NBEAL1: variants seen among roughly 807,000 people sequenced by gnomAD.
NBEAL1 encodes the protein neurobeachin like 1, also known as neurobeachin-like protein 1.
A neutral mutation model predicts 351.3 loss-of-function variants in NBEAL1; 273 were observed. The observed-to-expected ratio is 0.78, with a 90% CI of 0.70 to 0.86. The LOEUF is 0.86. NBEAL1 is among the 40% of genes least tolerant of loss of function. The pLI is 0.00. For synonymous variants in NBEAL1, 1,050 were observed against 1,086.4 expected (o/e 0.97, Z 0.66); for missense variants, 2,961 against 3,201.3 (o/e 0.92, Z 1.81).
Position 203,202,669 on chromosome 2 carries a change from T to G in NBEAL1, c.7412-18T>G, listed in dbSNP as rs780229387. 19 of 1,422,120 alleles carry G rather than the reference T, an allele frequency of 1.3e-5. No homozygotes were observed. The African/African-American group carries it at 2.5e-4, about 19-fold the overall frequency. The allele number at this position is 1,422,120 out of a possible 1,614,324, so 88.1% of individuals were successfully genotyped here. A position where few individuals can be genotyped will look rare whatever the true frequency, so the allele number is the denominator to read the frequency against. Reference sequence around the variant, plus strand: ...GCAAAACGAGGCATCTCATTTTATTTAATTCCTTTTCTTACAGATATTGTG... The same window carrying G: ...GCAAAACGAGGCATCTCATTTTATTGAATTCCTTTTCTTACAGATATTGTG... On this transcript the variant is annotated intron_variant, in intron 50 of 55. Transcript: ENST00000683969.
chr2:203,161,675 AT>A (rs1433284310), intron 36 of NBEAL1, among the ~76,000 whole-genome samples: 8 of 143,162 alleles, frequency 5.6e-5, no homozygotes, highest in African/African-American at 1.4e-4. Flanking sequence ...AAATAAATAA[AT>A]AAATAAAAGC....
At chr2:203,038,827 G>A (rs962686860) in intron 2 of NBEAL1, among the ~76,000 whole-genome samples, 7 of 148,274 alleles carry the variant, frequency 4.7e-5, no homozygotes, top group East Asian at 1.9e-4. Context: ...GCTGGCATGC[G>A]CAACCACACC....
chr2:203,083,338 T>C lies in NBEAL1; in HGVS notation c.804T>C (p.Thr268=). The change falls in exon 9 of 56, where the codon ACT becomes ACC. Residue 268 remains threonine (T), a synonymous_variant. Coordinates refer to ENST00000683969, the MANE Select transcript of NBEAL1 (RefSeq NM_001378026.1). ...AAGTGGGTAGGAAGGCAGAACTAAC[T>C]CTGAAGTGCCTTACAGAAGTGGTAC... ...PEEVGRKAEL[T]LKCLTEVVHI... is the part of the protein sequence containing the mutation. 6.4e-7 allele frequency: 1 copy of C among 1,554,154 alleles called. No individual in the cohort carries two copies. The highest frequency in any genetic ancestry group is 1.2e-5 in the South Asian group (1 of 84,252).
intron 55 of NBEAL1, among the ~76,000 whole-genome samples, chr2:203,216,622 T>A (rs2065899517): frequency 6.6e-6 from 1 of 152,130 alleles, no homozygotes; most frequent in Non-Finnish European, 1.5e-5. Context: ...AGAATAGTTT[T>A]GAGAAGCTTA....
At chr2:203,211,480 A>G (rs1045358989) in intron 54 of NBEAL1, among the ~76,000 whole-genome samples, 6 of 152,052 alleles carry the variant, frequency 3.9e-5, no homozygotes, top group African/African-American at 1.4e-4. Context: ...TCTCTACTAA[A>G]AATAAAAACT....
At chr2:203,200,064 G>A (rs2065351334) in intron 49 of NBEAL1, among the ~76,000 whole-genome samples, 1 of 152,102 alleles carries the variant, frequency 6.6e-6, no homozygotes, top group Non-Finnish European at 1.5e-5. Context: ...CTGTTTGTTT[G>A]CTTATATTTT....
At chr2:203,202,226 A>G (rs1464451062) in intron 50 of NBEAL1, among the ~76,000 whole-genome samples, 1 of 152,210 alleles carries the variant, frequency 6.6e-6, no homozygotes, top group African/African-American at 2.4e-5. Flanking sequence ...CAATCCTAAG[A>G]TAACACTTAC....
At chr2:203,089,041 A>T (rs1188797641) in intron 10 of NBEAL1, among the ~76,000 whole-genome samples, 1 of 152,042 alleles carries the variant, frequency 6.6e-6, no homozygotes, top group Non-Finnish European at 1.5e-5. Flanking sequence ...GGTAAGGAGA[A>T]CAGAAAAGAA....
At chr2:203,216,798 G>T (rs758918238) in intron 55 of NBEAL1, among the ~76,000 whole-genome samples, 22 of 152,042 alleles carry the variant, frequency 1.4e-4, no homozygotes, top group Non-Finnish European at 2.8e-4. Context: ...TTATTATTAT[G>T]TGTGTATATG....
At chr2:203,195,897 T>A (rs2065228445) in intron 47 of NBEAL1, among the ~76,000 whole-genome samples, 1 of 152,218 alleles carries the variant, frequency 6.6e-6, no homozygotes, top group African/African-American at 2.4e-5. Flanking sequence ...GCATAAACCA[T>A]ACTATTTGCA....
chr2:203,184,720 C>G (rs1278715132), intron 44 of NBEAL1, among the ~76,000 whole-genome samples: 1 of 151,008 alleles, frequency 6.6e-6, no homozygotes, highest in Non-Finnish European at 1.5e-5. Flanking sequence ...ATTTGTAAGC[C>G]TTAACCCTAT....
chr2:203,081,673 A>G (rs968785926), intron 8 of NBEAL1, among the ~76,000 whole-genome samples: 15 of 152,204 alleles, frequency 9.9e-5, no homozygotes, highest in African/African-American at 1.4e-4. Flanking sequence ...TTGAATGTCA[A>G]TCTGTCATGC....
rs1574978857 is a variant in NBEAL1 at position 203,108,076 on chromosome 2, A to G, written c.1837A>G (p.Ile613Val). 1 of 1,552,308 alleles carries G rather than the reference A, an allele frequency of 6.4e-7. No individual in the cohort carries two copies. The highest frequency in any genetic ancestry group is 8.7e-7 in the Non-Finnish European group (1 of 1,147,160). ...TATGGCAGGAATTTCTGTGCCTCCC[A>G]TACAGAAATGGCCAGGGTCTGCCTT... Reference protein sequence around the residue: ...HSMAGISVPPIQKWPGSAFSF... With the variant: ...HSMAGISVPPVQKWPGSAFSF... Residue 613 changes from isoleucine to valine, a missense_variant, in exon 14 of 56, where the codon ATA (isoleucine) becomes GTA (valine). Transcript: ENST00000683969.
intron 9 of NBEAL1, 72 bp from the exon 10 acceptor site, chr2:203,084,391 T>C (rs1224793167): frequency 4.6e-6 from 3 of 652,416 alleles, no homozygotes; most frequent in Non-Finnish European, 7.1e-6. Context: ...AAAAGAAAAA[T>C]GATTAGAGTA....
At chr2:203,093,836 C>T (rs2062121137) in intron 10 of NBEAL1, among the ~76,000 whole-genome samples, 1 of 152,074 alleles carries the variant, frequency 6.6e-6, no homozygotes, top group South Asian at 2.1e-4. Flanking sequence ...CAGAGCAGGA[C>T]TCTGTCTCAA....
intron 14 of NBEAL1, 117 bp downstream of exon 14, chr2:203,108,305 G>A: frequency 5.3e-6 from 4 of 755,250 alleles, no homozygotes; most frequent in Admixed American, 2.9e-5. Context: ...CTTATCTAAA[G>A]TCTCTTCATC....
intron 2 of NBEAL1, among the ~76,000 whole-genome samples, chr2:203,034,678 T>A (rs1447369934): frequency 6.7e-6 from 1 of 148,612 alleles, no homozygotes; most frequent in Admixed American, 6.8e-5. Context: ...GGTCTTGAAC[T>A]CCTGATCTCA....
chr2:203,103,689 G>A (rs1267667836), intron 12 of NBEAL1, among the ~76,000 whole-genome samples: 2 of 152,124 alleles, frequency 1.3e-5, no homozygotes, highest in Non-Finnish European at 2.9e-5. Flanking sequence ...TTCTCTAGTT[G>A]TGATGTTAGG....
intron 10 of NBEAL1, chr2:203,085,682 A>G (rs894585064): frequency 6.6e-6 from 1 of 152,170 alleles, no homozygotes; most frequent in Non-Finnish European, 1.5e-5. Flanking sequence ...AAATTCATAA[A>G]TGATTTGGTG....
Sources: allele counts gnomAD v4.1 joint callset (sites outside exome capture counted in the v4.1 genomes callset), GRCh38; gene constraint gnomAD v4.1.1; transcripts MANE v1.5; gene names NCBI Gene and HGNC (gene_info 2026-07-23, HGNC 2026-07-21).